Variants in FRMD5 observed in about 807,000 individuals in gnomAD.
FRMD5 encodes the protein FERM domain containing 5.
FRMD5 carries 20 observed loss-of-function variants against 69.0 expected under a neutral mutation model. The observed-to-expected ratio is 0.29, with a 90% CI of 0.20 to 0.42. The LOEUF (loss-of-function observed/expected upper bound fraction) is 0.42, where lower values mean the gene tolerates loss of function less well. FRMD5 is among the 10% of genes least tolerant of loss of function. The probability of loss-of-function intolerance (pLI) is 1.00; values close to 1 mark genes in which losing one functional copy is unlikely to be tolerated. For missense variants in FRMD5, 595 were observed against 708.6 expected (o/e 0.84, Z 1.82); for synonymous variants, 271 against 260.1 (o/e 1.04, Z -0.40).
At chr15:44,186,220 C>T (rs898748211) in intron 1 of FRMD5, among the ~76,000 whole-genome samples, 6 of 152,204 alleles carry the variant, frequency 3.9e-5, no homozygotes, top group African/African-American at 4.8e-5. Flanking sequence ...AGCCACCGCA[C>T]CCGGCCTTTC....
chr15:43,984,386 A>G (rs1889283544), intron 1 of FRMD5, among the ~76,000 whole-genome samples: 1 of 152,208 alleles, frequency 6.6e-6, no homozygotes, highest in Non-Finnish European at 1.5e-5. Flanking sequence ...ACAGATACCT[A>G]AGCCCCCAGT....
Position 43,873,981 on chromosome 15 carries a change from G to C in FRMD5, c.1617C>G (p.Pro539=). The part of the protein sequence containing the change: ...IAFFRDIRQT[P]EFEQFHYQYF... ...ATTGATAGTGGAATTGTTCAAACTC[G>C]GGGGTCTGGCGGATATCACGGAAAA... Residue 539 remains proline (P), a synonymous_variant, in exon 14 of 14, where the codon CCC becomes CCG. Coordinates refer to ENST00000417257, the MANE Select transcript of FRMD5 (RefSeq NM_032892.5). The C allele has an allele frequency of 6.2e-7, 1 of 1,614,204 alleles. No individual in the cohort carries two copies. Among genetic ancestry groups the C allele is most frequent in the Non-Finnish European group, 8.5e-7 (1 of 1,180,036 alleles).
chr15:43,878,531 C>A (rs2088428683), intron 13 of FRMD5, among the ~76,000 whole-genome samples: 1 of 152,224 alleles, frequency 6.6e-6, no homozygotes, highest in Non-Finnish European at 1.5e-5. Context: ...GTATTCCTCC[C>A]TGATGTCCCC....
At chr15:43,911,879 T>G (rs1327963628) in intron 4 of FRMD5, among the ~76,000 whole-genome samples, 1 of 152,098 alleles carries the variant, frequency 6.6e-6, no homozygotes, top group African/African-American at 2.4e-5. Flanking sequence ...GTGCAACTTC[T>G]AGGAGGTGGT....
At chr15:44,194,723 T>G (rs565072736) in intron 1 of FRMD5, 1 of 632,930 alleles carries the variant, frequency 1.6e-6, no homozygotes, top group Admixed American at 2.3e-5. Flanking sequence ...CTTAGGGGTG[T>G]GGGACGCGGA....
chr15:43,878,527 C>T (rs796303106), intron 13 of FRMD5, among the ~76,000 whole-genome samples: 124 of 152,308 alleles, frequency 8.1e-4, no homozygotes, highest in African/African-American at 2.8e-3. Flanking sequence ...CACAGTATTC[C>T]TCCCTGATGT....
intron 1 of FRMD5, among the ~76,000 whole-genome samples, chr15:44,078,314 T>C (rs1893854623): frequency 6.6e-6 from 1 of 152,170 alleles, no homozygotes; most frequent in Non-Finnish European, 1.5e-5. Flanking sequence ...CCCTGCCATT[T>C]ATCCTAAACT....
At chr15:43,954,886 A>G (rs2090090424) in intron 1 of FRMD5, among the ~76,000 whole-genome samples, 1 of 152,236 alleles carries the variant, frequency 6.6e-6, no homozygotes, top group African/African-American at 2.4e-5. Flanking sequence ...TGTATGTGCT[A>G]GATGATATGC....
intron 1 of FRMD5, among the ~76,000 whole-genome samples, chr15:43,957,221 A>C (rs1595558995): frequency 6.6e-6 from 1 of 151,650 alleles, no homozygotes; most frequent in Non-Finnish European, 1.5e-5. Flanking sequence ...TTTGAGTTGG[A>C]GTCTGGCTCT....
chr15:44,129,142 T>C (rs1357476147), intron 1 of FRMD5, among the ~76,000 whole-genome samples: 1 of 152,162 alleles, frequency 6.6e-6, no homozygotes. Context: ...GTCAATTATA[T>C]TGGAAACATG....
chr15:43,873,496 G>T lies in FRMD5; in HGVS notation c.*389C>A. 7.0e-7 allele frequency: 1 copy of T among 1,421,546 alleles called. No individual in the cohort carries two copies. The highest frequency in any genetic ancestry group is 9.1e-7 in the Non-Finnish European group (1 of 1,097,878). The allele number at this position is 1,421,546 out of a possible 1,614,324, so 88.1% of individuals were successfully genotyped here. The stretch of plus-strand genomic sequence containing the variant: ...AGCAGCTCTCTAGTTTTCAACTAGT[G>T]TCCCCTCTGCTAGGTGATACTACTG... On this transcript the variant is annotated 3_prime_UTR_variant, in exon 14 of 14. Coordinates refer to ENST00000417257, the MANE Select transcript of FRMD5 (RefSeq NM_032892.5).
intron 4 of FRMD5, among the ~76,000 whole-genome samples, chr15:43,911,599 C>T (rs144955526): frequency 2.0e-5 from 3 of 152,346 alleles, no homozygotes; most frequent in African/African-American, 7.2e-5. Flanking sequence ...AACCACCCAG[C>T]TAAGCTGCTC....
chr15:44,018,595 C>T (rs148860204), intron 1 of FRMD5, among the ~76,000 whole-genome samples: 252 of 152,326 alleles, frequency 1.7e-3, no homozygotes, highest in Non-Finnish European at 2.7e-3. Context: ...TCCACAGGCA[C>T]AGGTCTGTGG....
At chr15:44,162,825 C>G (rs1478441062) in intron 1 of FRMD5, among the ~76,000 whole-genome samples, 2 of 145,366 alleles carry the variant, frequency 1.4e-5, no homozygotes, top group Non-Finnish European at 3.0e-5. Flanking sequence ...CAAGATCGGG[C>G]CACTGTACTC....
intron 1 of FRMD5, among the ~76,000 whole-genome samples, chr15:43,942,673 TAA>T (rs1177314669): frequency 6.6e-6 from 1 of 152,158 alleles, no homozygotes; most frequent in African/African-American, 2.4e-5. Flanking sequence ...TGACAACACA[TAA>T]GAGTCAAAAT....
chr15:43,930,710 T>C (rs941498252), intron 1 of FRMD5, among the ~76,000 whole-genome samples: 52 of 152,366 alleles, frequency 3.4e-4, no homozygotes, highest in Non-Finnish European at 7.1e-4. Context: ...TAGGTTCAGA[T>C]GCCAGGTGCA....
intron 7 of FRMD5, among the ~76,000 whole-genome samples, chr15:43,896,452 C>T (rs563486762): frequency 6.6e-6 from 1 of 152,372 alleles, no homozygotes; most frequent in South Asian, 2.1e-4. Flanking sequence ...CGGTATTCTC[C>T]TTGGAGAGGG....
At position 43,883,814 on chromosome 15, in the gene FRMD5, G is replaced by A; in HGVS notation, c.1029-5C>T. 5 of 1,611,396 alleles carry A rather than the reference G, an allele frequency of 3.1e-6. No homozygotes were observed. The highest frequency in any genetic ancestry group is 1.3e-5 in the African/African-American group (1 of 74,996). The stretch of plus-strand genomic sequence containing the variant: ...CGGCTGGGAACCATCCCTGCTCTGA[G>A]GTTAAAGAAAAAGAACCTTGTTAAT... On this transcript the variant is annotated splice_region_variant and splice_polypyrimidine_tract_variant and intron_variant, in intron 12 of 13. Coordinates refer to ENST00000417257, the MANE Select transcript of FRMD5 (RefSeq NM_032892.5).
Position 44,042,977 on chromosome 15 carries a change from G to C in FRMD5, c.103-118668C>G, listed in dbSNP as rs565308079. Among the ~76,000 whole-genome samples the C allele has an allele frequency of 2.0e-3, 304 of 152,308 alleles. 1 individual carries two copies. The highest frequency in any genetic ancestry group is 7.1e-3 in the African/African-American group (294 of 41,562). ...AAAGGGTATTCAATTAGGAAAAGAG[G>C]AAGTCAAATTGTCCCTATTTGCAGA... On this transcript the variant is annotated intron_variant, in intron 1 of 13. Coordinates refer to ENST00000417257, the MANE Select transcript of FRMD5 (RefSeq NM_032892.5).
Sources: allele counts gnomAD v4.1 joint callset (sites outside exome capture counted in the v4.1 genomes callset), GRCh38; gene constraint gnomAD v4.1.1; transcripts MANE v1.5; gene names NCBI Gene and HGNC (gene_info 2026-07-23, HGNC 2026-07-21).